The following CSMD1 variants were observed in gnomAD, a reference collection of about 807,000 sequenced individuals.
The protein encoded by CSMD1 is CUB and sushi domain-containing protein 1.
In CSMD1, 213 loss-of-function variants were observed where a neutral mutation model predicts 417.5. The observed-to-expected ratio is 0.51, with a 90% CI of 0.46 to 0.57. The LOEUF (loss-of-function observed/expected upper bound fraction) is 0.57, where lower values mean the gene tolerates loss of function less well. CSMD1 is among the 20% of genes least tolerant of loss of function. The pLI, the probability that CSMD1 is intolerant of heterozygous loss-of-function variation, is 0.00. For missense variants in CSMD1, 6,923 were observed against 4,529.7 expected, an observed-to-expected ratio of 1.53 and a Z score of -15.17; for synonymous variants, 2,862 against 1,736.8, an observed-to-expected ratio of 1.65 and a Z score of -16.11.
At chr8:4,777,004 G>C (rs1304211665) in intron 1 of CSMD1, among the ~76,000 whole-genome samples, 1 of 152,092 alleles carries the variant, frequency 6.6e-6, no homozygotes, top group African/African-American at 2.4e-5. Flanking sequence ...TGTAAAACAG[G>C]TGACTGATTT....
At chr8:4,590,736 C>T (rs1468034253) in intron 2 of CSMD1, among the ~76,000 whole-genome samples, 1 of 151,972 alleles carries the variant, frequency 6.6e-6, no homozygotes, top group Non-Finnish European at 1.5e-5. Context: ...TGCTTTTATG[C>T]TTTTGGTTTT....
chr8:3,234,897 T>G (rs978329924), intron 26 of CSMD1, among the ~76,000 whole-genome samples: 48 of 152,248 alleles, frequency 3.2e-4, no homozygotes, highest in Non-Finnish European at 2.9e-5. Flanking sequence ...ATAGAATCTA[T>G]GATCAACTGT....
rs11781306 is a variant in CSMD1 at position 3,921,861 on chromosome 8, C to G, written c.818+76042G>C. On this transcript the variant is annotated intron_variant, in intron 5 of 69. Coordinates refer to ENST00000635120, the MANE Select transcript of CSMD1 (RefSeq NM_033225.6). ...GCTTAGAAAAATGTATATGCTGCTG[C>G]TGTGGTCTGGAAGGTTCTGCATGTG... 5.2e-3 allele frequency among the ~76,000 whole-genome samples: 796 copies of G among 152,210 alleles called. 7 individuals are homozygous for G. The highest frequency in any genetic ancestry group is 0.014 in the Middle Eastern group (4 of 294).
intron 26 of CSMD1, among the ~76,000 whole-genome samples, chr8:3,265,320 A>C (rs1418612875): frequency 6.6e-6 from 1 of 152,212 alleles, no homozygotes; most frequent in Non-Finnish European, 1.5e-5. Flanking sequence ...ATCAGTGCGA[A>C]GTATGTATGA....
chr8:3,180,248 T>C (rs1821237857), intron 37 of CSMD1, among the ~76,000 whole-genome samples: 1 of 152,252 alleles, frequency 6.6e-6, no homozygotes, highest in Non-Finnish European at 1.5e-5. Flanking sequence ...TCATTCCATT[T>C]ATCAGACTAT....
chr8:4,447,115 T>C (rs980477882), intron 2 of CSMD1, among the ~76,000 whole-genome samples: 4 of 152,110 alleles, frequency 2.6e-5, no homozygotes, highest in African/African-American at 7.2e-5. Context: ...CTTACTTAAA[T>C]GTACATTTGC....
At chr8:3,345,252 G>T (rs1028428906) in intron 22 of CSMD1, among the ~76,000 whole-genome samples, 1 of 152,178 alleles carries the variant, frequency 6.6e-6, no homozygotes, top group East Asian at 1.9e-4. Context: ...ATCCCTGAGA[G>T]ATTGCACCTT....
intron 2 of CSMD1, among the ~76,000 whole-genome samples, chr8:4,528,707 T>C (rs1307915842): frequency 1.3e-5 from 2 of 152,186 alleles, no homozygotes; most frequent in African/African-American, 4.8e-5. Flanking sequence ...ATTAATTATG[T>C]ACAGCTTTTT....
intron 12 of CSMD1, among the ~76,000 whole-genome samples, chr8:3,431,923 G>A (rs1814241732): frequency 6.6e-6 from 1 of 152,172 alleles, no homozygotes; most frequent in Non-Finnish European, 1.5e-5. Context: ...GCCTTGACAT[G>A]ACTTTACTGT....
chr8:3,980,104 T>G (rs973228217), intron 5 of CSMD1, among the ~76,000 whole-genome samples: 38 of 146,398 alleles, frequency 2.6e-4, no homozygotes, highest in Non-Finnish European at 4.2e-4. Flanking sequence ...TTTGTCTGTT[T>G]TTTCTAGAAA....
At chr8:3,295,983 G>T (rs541077593) in intron 25 of CSMD1, among the ~76,000 whole-genome samples, 1 of 152,006 alleles carries the variant, frequency 6.6e-6, no homozygotes, top group Non-Finnish European at 1.5e-5. Flanking sequence ...GTGTTGTACA[G>T]GGAAGAGATA....
In CSMD1 at chr8:3,265,454, C is replaced by T. The variant is rs1013885788; in HGVS notation, c.4153+18690G>A. On this transcript the variant is annotated intron_variant, in intron 26 of 69. Coordinates refer to ENST00000635120, the MANE Select transcript of CSMD1 (RefSeq NM_033225.6). ...GTTATTTACTCTCAGGGATCAGAGA[C>T]GTTTCCTAAACAGAGTGGTGTTTAA... 8.5e-4 allele frequency among the ~76,000 whole-genome samples: 129 copies of T among 152,086 alleles called. 1 individual carries two copies. Among genetic ancestry groups the T allele is most frequent in the Non-Finnish European group, 1.0e-4 (7 of 68,020 alleles).
intron 5 of CSMD1, among the ~76,000 whole-genome samples, chr8:3,860,443 T>C (rs1563153037): frequency 1.3e-5 from 2 of 152,214 alleles, no homozygotes; most frequent in Admixed American, 6.5e-5. Context: ...AACTTTTTTT[T>C]CCTATTTGAA....
intron 21 of CSMD1, 30 bp from the exon 22 acceptor site, chr8:3,348,191 G>A: frequency 6.4e-7 from 1 of 1,574,460 alleles, no homozygotes. Context: ...AGAGAAAGAG[G>A]ATTCAAAAGT....
intron 2 of CSMD1, among the ~76,000 whole-genome samples, chr8:4,493,931 T>A (rs757802407): frequency 1.2e-4 from 19 of 152,172 alleles, no homozygotes; most frequent in Non-Finnish European, 2.8e-4. Flanking sequence ...GACTTGAATT[T>A]TTAAAAATTG....
intron 2 of CSMD1, among the ~76,000 whole-genome samples, chr8:4,578,964 C>G (rs1045614846): frequency 1.3e-5 from 2 of 151,450 alleles, no homozygotes; most frequent in African/African-American, 2.4e-5. Context: ...AATGATTAAC[C>G]TTTTTAAACA....
At chr8:4,149,547 T>A (rs7000720) in intron 3 of CSMD1, among the ~76,000 whole-genome samples, 1 of 151,998 alleles carries the variant, frequency 6.6e-6, no homozygotes, top group Non-Finnish European at 1.5e-5. Context: ...ACCAAAAATA[T>A]TTAATTCTAA....
chr8:4,094,837 G>A (rs951121443), intron 3 of CSMD1, among the ~76,000 whole-genome samples: 5 of 152,178 alleles, frequency 3.3e-5, no homozygotes, highest in African/African-American at 9.7e-5. Flanking sequence ...AGGAAATAAA[G>A]GTGAAGCATA....
intron 8 of CSMD1, among the ~76,000 whole-genome samples, chr8:3,604,946 G>C (rs886844703): frequency 6.6e-6 from 1 of 152,018 alleles, no homozygotes; most frequent in Non-Finnish European, 1.5e-5. Context: ...ATGTGCCTTT[G>C]GTTTCCCTCA....
Sources: gnomAD v4.1 joint callset for allele counts (sites outside exome capture counted in the v4.1 genomes callset) on GRCh38, gnomAD v4.1.1 for gene constraint, MANE v1.5 for transcripts, NCBI Gene and HGNC (gene_info 2026-07-23, HGNC 2026-07-21) for gene names.